ADAM9: variants seen among roughly 807,000 people sequenced by gnomAD.
ADAM9 encodes disintegrin and metalloproteinase domain-containing protein 9.
A neutral mutation model predicts 108.1 loss-of-function variants in ADAM9; 54 were observed. The ratio of observed to expected loss-of-function variants is 0.50; its 90% CI spans 0.40 to 0.63. ADAM9 has a LOEUF of 0.63. Ranked by LOEUF, ADAM9 falls within the 20% of genes least tolerant of loss-of-function variation. The pLI is 0.00. For synonymous variants in ADAM9, 316 were observed against 336.0 expected (o/e 0.94, Z 0.65); for missense variants, 830 against 997.7 (o/e 0.83, Z 2.26).
rs145654942 is a variant in ADAM9, at chr8:39,072,487, AC to A, written c.1697+1086del. Reference sequence around the variant, plus strand: ...TGGCCATTTTCTCCTTCTTGAAGAAACCTCTTTTTTTTTGGTGATTGTGTAG... The same window carrying A: ...TGGCCATTTTCTCCTTCTTGAAGAAACTCTTTTTTTTTGGTGATTGTGTAG... On this transcript the variant is annotated intron_variant, in intron 15 of 21. Transcript: ENST00000487273. Among the ~76,000 whole-genome samples, 1,148 of 149,418 alleles carry A rather than the reference AC, an allele frequency of 7.7e-3. 14 individuals carry two copies. The highest frequency in any genetic ancestry group is 0.027 in the African/African-American group (1,112 of 40,600).
At chr8:39,077,461 AATT>A (rs1458041037) in intron 16 of ADAM9, 50 bp downstream of exon 16, 5 of 1,499,466 alleles carry the variant, frequency 3.3e-6, no homozygotes, top group East Asian at 2.5e-5. Context: ...AAATTAAAAA[AATT>A]ATTATACATA....
At chr8:39,076,780 A>G (rs1230843394) in intron 15 of ADAM9, among the ~76,000 whole-genome samples, 1 of 152,232 alleles carries the variant, frequency 6.6e-6, no homozygotes, top group African/African-American at 2.4e-5. Context: ...TTAGCCAGGA[A>G]AAGAGGGGTG....
intron 11 of ADAM9, among the ~76,000 whole-genome samples, chr8:39,037,237 A>G (rs1354940442): frequency 6.9e-6 from 1 of 144,802 alleles, no homozygotes; most frequent in African/African-American, 2.5e-5. Flanking sequence ...TTTTTTTTTT[A>G]TTTTTAGTAG....
At chr8:39,089,971 A>G in intron 18 of ADAM9, 76 bp from the exon 19 acceptor site, 1 of 1,408,408 alleles carries the variant, frequency 7.1e-7, no homozygotes, top group South Asian at 1.2e-5. Context: ...AAATTAATGT[A>G]AAGTGTTTAT....
Position 39,040,611 on chromosome 8 carries a change from T to G in ADAM9, c.1131-1335T>G, listed in dbSNP as rs1837429984. The stretch of plus-strand genomic sequence containing the variant: ...AGATACATGGTTATAAGATACACCT[T>G]ATAAGATATGTGGTTTGCAGATATT... On this transcript the variant is annotated intron_variant, in intron 11 of 21. Transcript: ENST00000487273. Among the ~76,000 whole-genome samples, 3 of 152,364 alleles carry G rather than the reference T, an allele frequency of 2.0e-5. No homozygotes were observed. The South Asian group carries it at 6.2e-4, about 32-fold the overall frequency.
chr8:39,015,973 A>T (rs1024230741), intron 4 of ADAM9, 145 bp from the exon 5 acceptor site: 11 of 725,294 alleles, frequency 1.5e-5, no homozygotes, highest in Non-Finnish European at 2.4e-5. Flanking sequence ...ATGCCATGTG[A>T]TACTGTGAGA....
At chr8:39,090,680 A>C (rs1042405101) in intron 19 of ADAM9, among the ~76,000 whole-genome samples, 14 of 152,188 alleles carry the variant, frequency 9.2e-5, no homozygotes, top group Non-Finnish European at 2.1e-4. Flanking sequence ...CTCAGGGTTC[A>C]TTTTGCTTAA....
At chr8:39,071,437 A>C in intron 15 of ADAM9, 34 bp downstream of exon 15, 3 of 1,445,004 alleles carry the variant, frequency 2.1e-6, no homozygotes, top group Non-Finnish European at 2.9e-6. Flanking sequence ...GGAATATGAA[A>C]GATTATAAGA....
At chr8:39,101,171 A>G (rs1839683524) in intron 20 of ADAM9, among the ~76,000 whole-genome samples, 1 of 152,244 alleles carries the variant, frequency 6.6e-6, no homozygotes. Context: ...AAATACCTTA[A>G]AAGAATTAAG....
At chr8:39,045,430 A>G (rs1390185076) in intron 12 of ADAM9, among the ~76,000 whole-genome samples, 4 of 134,296 alleles carry the variant, frequency 3.0e-5, no homozygotes, top group African/African-American at 1.1e-4. Flanking sequence ...ACACACACCT[A>G]TATGTGCGCG....
chr8:39,070,965 G>A (rs1313693265), intron 14 of ADAM9, among the ~76,000 whole-genome samples: 1 of 152,152 alleles, frequency 6.6e-6, no homozygotes, highest in African/African-American at 2.4e-5. Flanking sequence ...ATATGTGAGA[G>A]CAATGAGAAT....
chr8:39,035,402 C>T (rs4313121), intron 11 of ADAM9, among the ~76,000 whole-genome samples: 123,152 of 152,178 alleles, frequency 0.81, 49,983 homozygotes, highest in East Asian at 0.95. Context: ...TTTGATAATC[C>T]TAGAACTAGT....
In ADAM9 at chr8:39,096,482, A is replaced by G. The variant is rs904942806; in HGVS notation, c.2298+5136A>G. On this transcript the variant is annotated intron_variant, in intron 20 of 21. Coordinates refer to ENST00000487273, the MANE Select transcript of ADAM9 (RefSeq NM_003816.3). ...TTTATGTAACTGATGACACAAAATT[A>G]CCTCTTTTTATATTGCTTATCATTA... Among the ~76,000 whole-genome samples, 6 of 152,106 alleles carry G rather than the reference A, an allele frequency of 3.9e-5. No homozygotes were observed. In the South Asian group the frequency reaches 1.0e-3, roughly 26 times the overall value.
intron 16 of ADAM9, among the ~76,000 whole-genome samples, chr8:39,078,441 C>G (rs1838918791): frequency 6.6e-6 from 1 of 151,752 alleles, no homozygotes. Context: ...ATCTGCCAGT[C>G]TAGACGCCTA....
At chr8:39,030,308 T>C (rs758390410) in intron 11 of ADAM9, among the ~76,000 whole-genome samples, 1 of 152,124 alleles carries the variant, frequency 6.6e-6, no homozygotes, top group African/African-American at 2.4e-5. Flanking sequence ...ACTGTCTCCA[T>C]AGTTTCGTGT....
chr8:39,086,940 T>G (rs1839197009), intron 18 of ADAM9, among the ~76,000 whole-genome samples: 1 of 152,244 alleles, frequency 6.6e-6, no homozygotes, highest in African/African-American at 2.4e-5. Flanking sequence ...GTGCTCTTCC[T>G]AGTCCTGTGT....
At chr8:39,039,376 A>G (rs764530219) in intron 11 of ADAM9, among the ~76,000 whole-genome samples, 2 of 152,244 alleles carry the variant, frequency 1.3e-5, no homozygotes, top group Non-Finnish European at 2.9e-5. Flanking sequence ...CACATCCATC[A>G]TTCCACATTG....
At chr8:39,088,549 G>A (rs1236606020) in intron 18 of ADAM9, among the ~76,000 whole-genome samples, 3 of 152,044 alleles carry the variant, frequency 2.0e-5, no homozygotes, top group African/African-American at 4.8e-5. Flanking sequence ...GAGCCACTGC[G>A]CCCGGCCAGT....
chr8:39,084,207 A>G (rs1839110058), intron 18 of ADAM9, among the ~76,000 whole-genome samples: 1 of 152,058 alleles, frequency 6.6e-6, no homozygotes, highest in African/African-American at 2.4e-5. Flanking sequence ...AGTTCTTTGC[A>G]TGTCACTGAT....
Sources: gnomAD v4.1 joint callset for allele counts (sites outside exome capture counted in the v4.1 genomes callset) on GRCh38, gnomAD v4.1.1 for gene constraint, MANE v1.5 for transcripts, NCBI Gene and HGNC (gene_info 2026-07-23, HGNC 2026-07-21) for gene names.